NRXN1: variants seen among roughly 807,000 people sequenced by gnomAD.
NRXN1 encodes the protein neurexin-1.
Under a neutral mutation model 150.9 loss-of-function variants are expected in NRXN1, and 39 were observed. The ratio of observed to expected loss-of-function variants is 0.26; its 90% CI spans 0.20 to 0.34. NRXN1 has a LOEUF of 0.34. Ranked by LOEUF, NRXN1 falls within the 10% of genes least tolerant of loss-of-function variation. The pLI, the probability that NRXN1 is intolerant of heterozygous loss-of-function variation, is 1.00. For missense variants in NRXN1, 1,815 were observed against 1,949.9 expected (o/e 0.93, Z 1.30); for synonymous variants, 924 against 757.0 (o/e 1.22, Z -3.62).
intron 21 of NRXN1, chr2:50,019,267 T>G (rs981376689): frequency 8.5e-6 from 4 of 471,438 alleles, no homozygotes; most frequent in Admixed American, 7.0e-5. Context: ...TGGCCTGTTC[T>G]CCATAAGTTT....
chr2:50,376,380 A>G (rs1312922525), intron 17 of NRXN1, among the ~76,000 whole-genome samples: 3 of 151,952 alleles, frequency 2.0e-5, no homozygotes, highest in East Asian at 1.9e-4. Flanking sequence ...AAAAAAAAAA[A>G]AGAGAGGGAA....
At chr2:50,501,197 G>C (rs2091919855) in intron 13 of NRXN1, among the ~76,000 whole-genome samples, 1 of 152,168 alleles carries the variant, frequency 6.6e-6, no homozygotes, top group Non-Finnish European at 1.5e-5. Context: ...CCAGGAAGGG[G>C]AGACGGATGA....
At chr2:50,230,471 T>C (rs2064834104) in intron 18 of NRXN1, among the ~76,000 whole-genome samples, 2 of 151,912 alleles carry the variant, frequency 1.3e-5, no homozygotes, top group Middle Eastern at 3.2e-3. Context: ...AGGAATAATA[T>C]GATCAAAGAA....
At chr2:50,802,409 T>C (rs1375563845) in intron 5 of NRXN1, among the ~76,000 whole-genome samples, 2 of 151,808 alleles carry the variant, frequency 1.3e-5, no homozygotes, top group African/African-American at 4.8e-5. Flanking sequence ...GGAGAATCAC[T>C]TGCACCCTGG....
At chr2:50,589,273 T>A (rs1673716302) in intron 8 of NRXN1, 1 of 152,216 alleles carries the variant, frequency 6.6e-6, no homozygotes, top group Admixed American at 6.6e-5. Flanking sequence ...GGGGTTTATG[T>A]TAATAATTGT....
chr2:50,907,402 T>G (rs549449028), intron 5 of NRXN1, among the ~76,000 whole-genome samples: 1 of 152,256 alleles, frequency 6.6e-6, no homozygotes, highest in South Asian at 2.1e-4. Context: ...AAGTTTGTTA[T>G]ACTTTTCTCT....
chr2:50,859,556 A>C (rs1675795402), intron 5 of NRXN1, among the ~76,000 whole-genome samples: 1 of 152,118 alleles, frequency 6.6e-6, no homozygotes, highest in Non-Finnish European at 1.5e-5. Flanking sequence ...GGGAAAAGGG[A>C]GAAATCTAAT....
chr2:50,181,065 A>T lies in NRXN1; in HGVS notation c.3546+55724T>A, dbSNP rs2060678841. On this transcript the variant is annotated intron_variant, in intron 18 of 22. Coordinates refer to ENST00000401669, the MANE Select transcript of NRXN1 (RefSeq NM_001330078.2). ...TAATTACAATAATTTTTAGAAAAAC[A>T]TTCTCATTTAACCATGAAAAGAGTT... 2.0e-5 allele frequency among the ~76,000 whole-genome samples: 3 copies of T among 152,158 alleles called. No individual in the cohort carries two copies. In the South Asian group the frequency reaches 6.2e-4, roughly 32 times the overall value.
At chr2:50,488,205 A>G (rs937650305) in intron 15 of NRXN1, among the ~76,000 whole-genome samples, 3 of 152,180 alleles carry the variant, frequency 2.0e-5, no homozygotes, top group Non-Finnish European at 2.9e-5. Flanking sequence ...CAAGTAGCCT[A>G]TCCCCATATT....
chr2:50,635,270 G>A (rs937761458), intron 5 of NRXN1, among the ~76,000 whole-genome samples: 7 of 150,484 alleles, frequency 4.7e-5, no homozygotes, highest in African/African-American at 1.7e-4. Context: ...CCATTCTCCT[G>A]CCTCAGCCTC....
intron 18 of NRXN1, among the ~76,000 whole-genome samples, chr2:50,185,316 CA>C (rs1444092634): frequency 1.3e-5 from 2 of 152,008 alleles, no homozygotes; most frequent in Non-Finnish European, 2.9e-5. Flanking sequence ...TGTTTAAGAG[CA>C]CAAACTCAGG....
intron 5 of NRXN1, among the ~76,000 whole-genome samples, chr2:50,694,138 T>C (rs901873721): frequency 2.9e-4 from 44 of 152,282 alleles, no homozygotes; most frequent in African/African-American, 1.1e-3. Context: ...GTGTATGATT[T>C]AGCAAGTGAT....
chr2:50,973,633 G>T (rs554781345), intron 2 of NRXN1, among the ~76,000 whole-genome samples: 1 of 151,892 alleles, frequency 6.6e-6, no homozygotes, highest in African/African-American at 2.4e-5. Flanking sequence ...ACACTCAAGC[G>T]ACAAATAAAA....
chr2:50,620,931 G>A lies in NRXN1; in HGVS notation c.1158+295C>T, dbSNP rs368277053. On this transcript the variant is annotated intron_variant, in intron 7 of 22. Transcript: ENST00000401669. ...GAGACTGGCTGAGCTGCGGTCACTC[G>A]GGCCAGCCACCATTTTGTCTTATCC... is the stretch of plus-strand genomic sequence containing the variant. 6.9e-4 allele frequency: 243 copies of A among 352,352 alleles called. 2 individuals are homozygous for A. Among genetic ancestry groups the A allele is most frequent in the African/African-American group, 4.7e-3 (221 of 47,520 alleles). 21.8% of individuals were successfully genotyped at this position (352,352 alleles called of 1,614,324 possible).
chr2:50,215,111 T>G (rs527839022), intron 18 of NRXN1, among the ~76,000 whole-genome samples: 2 of 152,134 alleles, frequency 1.3e-5, no homozygotes, highest in African/African-American at 4.8e-5. Context: ...AGAGTTGAAT[T>G]ATTTTATCTG....
chr2:50,311,496 C>G (rs558049069), intron 17 of NRXN1, among the ~76,000 whole-genome samples: 3 of 152,176 alleles, frequency 2.0e-5, no homozygotes, highest in South Asian at 2.1e-4. Context: ...CACTGATAAT[C>G]CGAACCTGGA....
At chr2:50,030,422 T>G (rs1014709021) in intron 21 of NRXN1, among the ~76,000 whole-genome samples, 1 of 152,152 alleles carries the variant, frequency 6.6e-6, no homozygotes, top group Non-Finnish European at 1.5e-5. Flanking sequence ...GAGTCTATCA[T>G]AAGTGAACAA....
chr2:50,347,261 T>C lies in NRXN1; in HGVS notation c.3365-110291A>G. 1 of 1,314,986 alleles carries C rather than the reference T, an allele frequency of 7.6e-7. No homozygotes were observed. Among genetic ancestry groups the C allele is most frequent in the South Asian group, 1.2e-5 (1 of 81,130 alleles). The allele number at this position is 1,314,986 out of a possible 1,614,324, so 81.5% of individuals were successfully genotyped here. On this transcript the variant is annotated intron_variant, in intron 17 of 22. Coordinates refer to ENST00000401669, the MANE Select transcript of NRXN1 (RefSeq NM_001330078.2). The surrounding 1 kb of genome is among the most constrained non-coding windows in gnomAD (Gnocchi z 4.9). ...CTCCCAGATTTCCAGGGCTCCAGGT[T>C]CTCGAGAGATACTCCCAAAGAGTTT...
intron 18 of NRXN1, among the ~76,000 whole-genome samples, chr2:50,136,436 GAT>G: frequency 6.6e-6 from 1 of 152,074 alleles, no homozygotes; most frequent in Non-Finnish European, 1.5e-5. Flanking sequence ...AGGTTCCTAG[GAT>G]ATATCTTAAT....
Sources: gnomAD v4.1 joint callset for allele counts (sites outside exome capture counted in the v4.1 genomes callset) on GRCh38, gnomAD v4.1.1 for gene constraint, Gnocchi (gnomAD v3.1) non-coding constraint, MANE v1.5 for transcripts, NCBI Gene and HGNC (gene_info 2026-07-23, HGNC 2026-07-21) for gene names.